The following BCL6 variants were observed in gnomAD, a reference collection of about 807,000 sequenced individuals.
BCL6 encodes the protein B-cell lymphoma 6 protein.
Under a neutral mutation model 59.5 loss-of-function variants are expected in BCL6, and 7 were observed. The observed-to-expected ratio is 0.12, with a 90% CI of 0.07 to 0.22. BCL6 has a LOEUF of 0.22. BCL6 is among the 10% of genes least tolerant of loss of function. The probability of loss-of-function intolerance (pLI) is 1.00; values close to 1 mark genes in which losing one functional copy is unlikely to be tolerated. For synonymous variants in BCL6, 339 were observed against 349.7 expected, an observed-to-expected ratio of 0.97 and a Z score of 0.34; for missense variants, 685 against 939.4, an observed-to-expected ratio of 0.73 and a Z score of 3.54.
At chr3:187,731,678 C>T in intron 4 of BCL6, 31 bp downstream of exon 4, 1 of 1,605,340 alleles carries the variant, frequency 6.2e-7, no homozygotes, top group Non-Finnish European at 8.5e-7. Context: ...TCTCTTCCAT[C>T]TCCGACGCTT....
At chr3:187,744,152 G>A (rs1388320728) in intron 1 of BCL6, among the ~76,000 whole-genome samples, 2 of 152,120 alleles carry the variant, frequency 1.3e-5, no homozygotes, top group African/African-American at 4.8e-5. Flanking sequence ...TTTAGGAAAG[G>A]GAGGCAACAG....
At chr3:187,745,097 C>G (rs1342361322) in intron 1 of BCL6, among the ~76,000 whole-genome samples, 3 of 152,136 alleles carry the variant, frequency 2.0e-5, no homozygotes, top group South Asian at 2.1e-4. Context: ...CCTCCCCAAA[C>G]CGGCCGATTC....
intron 4 of BCL6, among the ~76,000 whole-genome samples, chr3:187,731,023 TA>T (rs1719014920): frequency 2.0e-5 from 3 of 152,194 alleles, no homozygotes; most frequent in Admixed American, 2.0e-4. Flanking sequence ...CAAAAGGTTC[TA>T]AAGAAGTTAA....
intron 1 of BCL6, among the ~76,000 whole-genome samples, chr3:187,744,565 G>A (rs540869030): frequency 6.6e-6 from 1 of 152,086 alleles, no homozygotes; most frequent in Admixed American, 6.6e-5. Context: ...ATCTCATCTG[G>A]ATTTATGACC....
In BCL6 at chr3:187,724,923, C is replaced by CTCAAGAGGCTT; in HGVS notation, c.1977+7_1977+17dup. Reference sequence around the variant, plus strand: ...ACATCCCCGCAGGTCAGAGAGCGGCCTCAAGAGGCTTACGTACATGGTAAG... The same window carrying CTCAAGAGGCTT: ...ACATCCCCGCAGGTCAGAGAGCGGCCTCAAGAGGCTTTCAAGAGGCTTACGTACATGGTAAG... On this transcript the variant is annotated intron_variant, in intron 9 of 9. Coordinates refer to ENST00000406870, the MANE Select transcript of BCL6 (RefSeq NM_001706.5). The CTCAAGAGGCTT allele has an allele frequency of 6.2e-7, 1 of 1,614,116 alleles. No individual in the cohort carries two copies. The highest frequency in any genetic ancestry group is 8.5e-7 in the Non-Finnish European group (1 of 1,179,978).
Position 187,722,133 on chromosome 3 carries a change from C to T in BCL6, c.*325G>A. On this transcript the variant is annotated 3_prime_UTR_variant, in exon 10 of 10. Transcript: ENST00000406870. ...CAAAACATATACATTCCTCATTTTG[C>T]AGACTAAAGTCAAGTCAGAACTTTT... is the stretch of plus-strand genomic sequence containing the variant. The T allele has an allele frequency of 3.8e-6, 1 of 264,370 alleles. No homozygotes were observed. Among genetic ancestry groups the T allele is most frequent in the East Asian group, 5.7e-5 (1 of 17,682 alleles). 16.4% of individuals were successfully genotyped at this position (264,370 alleles called of 1,614,324 possible). A position where few individuals can be genotyped will look rare whatever the true frequency, so the allele number is the denominator to read the frequency against.
chr3:187,723,594 G>T (rs573502762), intron 9 of BCL6, among the ~76,000 whole-genome samples: 1 of 152,284 alleles, frequency 6.6e-6, no homozygotes, highest in South Asian at 2.1e-4. Flanking sequence ...AACAAAAAGG[G>T]TAATAAAATA....
chr3:187,721,647 G>A lies in BCL6; in HGVS notation c.*811C>T, dbSNP rs762483484. 21 of 232,964 alleles carry A rather than the reference G, an allele frequency of 9.0e-5. No individual in the cohort carries two copies. Among genetic ancestry groups the A allele is most frequent in the Middle Eastern group, 1.3e-3 (1 of 784 alleles). The allele number at this position is 232,964 out of a possible 1,614,324, so 14.4% of individuals were successfully genotyped here. On this transcript the variant is annotated 3_prime_UTR_variant, in exon 10 of 10. Transcript: ENST00000406870. The surrounding 1 kb of genome is among the most constrained non-coding windows in gnomAD (Gnocchi z 4.2). ...AAGGCACCGTGAGGACACGTTGTAC[G>A]GGTATATACAAACTGAAAACTAGAA... is the stretch of plus-strand genomic sequence containing the variant.
At chr3:187,733,457 C>T (rs1719141176) in intron 3 of BCL6, 76 bp downstream of exon 3, 1 of 1,533,702 alleles carries the variant, frequency 6.5e-7, no homozygotes, top group Admixed American at 1.8e-5. Flanking sequence ...AAAAGGCCCA[C>T]ATGTTCTGCC....
In BCL6 at chr3:187,733,518, T is replaced by TTTCAGA. The variant is rs1285023633; in HGVS notation, c.161+9_161+14dup. 1 of 1,611,098 alleles carries TTTCAGA rather than the reference T, an allele frequency of 6.2e-7. No homozygotes were observed. The highest frequency in any genetic ancestry group is 8.5e-7 in the Non-Finnish European group (1 of 1,177,762). On this transcript the variant is annotated intron_variant, in intron 3 of 9. Coordinates refer to ENST00000406870, the MANE Select transcript of BCL6 (RefSeq NM_001706.5). ...CCACTTTGACTTACCCACCCTTTCC[T>TTTCAGA]TTCAGATCCCTCACCTGCAGGCCAT...
Position 187,725,474 on chromosome 3 carries a change from CCGCT to C in BCL6, c.1839+21_1839+24del. The C allele has an allele frequency of 3.2e-6, 4 of 1,240,290 alleles. No homozygotes were observed. The highest frequency in any genetic ancestry group is 4.4e-6 in the Non-Finnish European group (4 of 905,072). 76.8% of individuals were successfully genotyped at this position (1,240,290 alleles called of 1,614,324 possible). A position where few individuals can be genotyped will look rare whatever the true frequency, so the allele number is the denominator to read the frequency against. The stretch of plus-strand genomic sequence containing the variant: ...TGCCCGCTCCGCTCGCCTGCCCGCT[CCGCT>C]CGCCTGCCCACTCTGCTCACCTGTA... On this transcript the variant is annotated intron_variant, in intron 8 of 9. Coordinates refer to ENST00000406870, the MANE Select transcript of BCL6 (RefSeq NM_001706.5). This position sits in a 1 kb window ranked among gnomAD's most constrained non-coding sequence, Gnocchi z 4.7.
rs760088914 is a variant in BCL6, at chr3:187,722,480, G to C, written c.2099C>G (p.Pro700Arg). ...GCTTCAGCAGGCTTTGGGGAGCTCC[G>C]GAGGCAGGTCAGTGGCTGACACGCG... ...QYRVSATDLP[P>R]ELPKAC Residue 700 changes from proline (P) to arginine (R), a missense_variant, in exon 10 of 10, where the codon CCG (proline) becomes CGG (arginine). Transcript: ENST00000406870. The C allele has an allele frequency of 1.2e-6, 2 of 1,613,134 alleles. No homozygotes were observed. The highest frequency in any genetic ancestry group is 3.3e-5 in the Admixed American group (2 of 59,950).
intron 1 of BCL6, among the ~76,000 whole-genome samples, chr3:187,744,832 G>C (rs560412554): frequency 2.6e-5 from 4 of 152,228 alleles, no homozygotes; most frequent in Admixed American, 6.5e-5. Context: ...CAGTTTGCAA[G>C]CGAGAAAAGA....
Position 187,722,331 on chromosome 3 carries a change from C to CCCACAA in BCL6, c.*126_*127insTTGTGG. The CCCACAA allele has an allele frequency of 1.2e-6, 1 of 864,906 alleles. No homozygotes were observed. The highest frequency in any genetic ancestry group is 1.5e-6 in the Non-Finnish European group (1 of 658,094). The allele number at this position is 864,906 out of a possible 1,614,324, so 53.6% of individuals were successfully genotyped here. On this transcript the variant is annotated 3_prime_UTR_variant, in exon 10 of 10. Transcript: ENST00000406870. Reference sequence around the variant, plus strand: ...CCCGACCCCCACCACCCCCAACCCCCAGCTATGATTTGCACTAGTGGATGA... The same window carrying CCCACAA: ...CCCGACCCCCACCACCCCCAACCCCCCCACAAAGCTATGATTTGCACTAGTGGATGA...
At chr3:187,743,970 T>A (rs979793497) in intron 1 of BCL6, among the ~76,000 whole-genome samples, 2 of 152,258 alleles carry the variant, frequency 1.3e-5, no homozygotes, top group East Asian at 1.9e-4. Flanking sequence ...GGCCACAAAG[T>A]GCCCTTCTCT....
At chr3:187,745,152 TCC>T (rs1560161721) in intron 1 of BCL6, among the ~76,000 whole-genome samples, 1 of 152,008 alleles carries the variant, frequency 6.6e-6, no homozygotes, top group Admixed American at 6.6e-5. Flanking sequence ...ACAATCTATA[TCC>T]TATGGTGGGA....
At chr3:187,745,211 A>C (rs552709522) in intron 1 of BCL6, among the ~76,000 whole-genome samples, 199 bp downstream of exon 1, 2 of 152,342 alleles carry the variant, frequency 1.3e-5, no homozygotes, top group East Asian at 1.9e-4. Flanking sequence ...CCTGACAGCT[A>C]GAATAAATAA....
At chr3:187,742,389 T>G (rs1043048961) in intron 1 of BCL6, among the ~76,000 whole-genome samples, 1 of 152,188 alleles carries the variant, frequency 6.6e-6, no homozygotes, top group East Asian at 1.9e-4. Flanking sequence ...TAGAGTCCCA[T>G]CCCTATCCAC....
chr3:187,745,060 A>C (rs1324979081), intron 1 of BCL6, among the ~76,000 whole-genome samples: 1 of 151,848 alleles, frequency 6.6e-6, no homozygotes, highest in Middle Eastern at 3.4e-3. Context: ...CCAAAAACCA[A>C]AACAACACAA....
Sources: allele counts gnomAD v4.1 joint callset (sites outside exome capture counted in the v4.1 genomes callset), GRCh38; gene constraint gnomAD v4.1.1; non-coding constraint Gnocchi (gnomAD v3.1); transcripts MANE v1.5; gene names NCBI Gene and HGNC (gene_info 2026-07-23, HGNC 2026-07-21).